The following CCDC171 variants were observed in gnomAD, a reference collection of about 807,000 sequenced individuals.
CCDC171 encodes the protein coiled-coil domain containing 171.
A neutral mutation model predicts 168.2 loss-of-function variants in CCDC171; 177 were observed. That is an observed-to-expected ratio of 1.05 (90% confidence interval 0.93 to 1.19). The LOEUF (loss-of-function observed/expected upper bound fraction) is 1.19, where lower values mean the gene tolerates loss of function less well. Among genes scored for constraint, CCDC171 ranks in the 50% most tolerant of loss-of-function variants. The pLI is 0.00. For synonymous variants in CCDC171, 687 were observed against 540.8 expected, an observed-to-expected ratio of 1.27 and a Z score of -3.75; for missense variants, 1,991 against 1,539.0, an observed-to-expected ratio of 1.29 and a Z score of -4.91.
the CCDC171 span, among the ~76,000 whole-genome samples, chr9:16,086,496 T>A: frequency 3.2e-3 from 488 of 152,020 alleles, no homozygotes; most frequent in African/African-American, 0.011. Flanking sequence ...TTAGTAGAGA[T>A]GGGGTTTCAT....
intron 6 of CCDC171, among the ~76,000 whole-genome samples, chr9:15,596,177 T>A (rs2042339406): frequency 6.6e-6 from 1 of 152,224 alleles, no homozygotes; most frequent in Admixed American, 6.5e-5. Context: ...TTTTGGCTTT[T>A]GTTGCCATTG....
Position 15,972,154 on chromosome 9 carries a change from A to G in CCDC171, c.*318A>G. 1 of 292,544 alleles carries G rather than the reference A, an allele frequency of 3.4e-6. No individual in the cohort carries two copies. The highest frequency in any genetic ancestry group is 5.2e-5 in the South Asian group (1 of 19,400). The allele number at this position is 292,544 out of a possible 1,614,324, so 18.1% of individuals were successfully genotyped here. ...TAAGCCATTTTAGTCTCTATCTATC[A>G]AAGTTGTTTCATACTTGTCTATTTT... is the stretch of plus-strand genomic sequence containing the variant. On this transcript the variant is annotated 3_prime_UTR_variant, in exon 26 of 26. Transcript: ENST00000380701.
chr9:15,945,404 A>T (rs554164011), intron 25 of CCDC171, among the ~76,000 whole-genome samples: 1,931 of 150,366 alleles, frequency 0.013, 9 homozygotes, highest in Middle Eastern at 0.031. Context: ...CAGTAATGGG[A>T]TGGCTGGGTC....
At chr9:15,798,591 A>G (rs1362604216) in intron 21 of CCDC171, among the ~76,000 whole-genome samples, 1 of 152,142 alleles carries the variant, frequency 6.6e-6, no homozygotes, top group East Asian at 1.9e-4. Context: ...GGTTTAGCCT[A>G]TTAGATCAGG....
chr9:15,799,489 A>G (rs2058717222), intron 21 of CCDC171, among the ~76,000 whole-genome samples: 1 of 151,688 alleles, frequency 6.6e-6, no homozygotes, highest in African/African-American at 2.4e-5. Context: ...TGTTTGTGGA[A>G]ACTTAATAGG....
rs1386680969 is a variant in CCDC171 at position 15,633,848 on chromosome 9, A to C, written c.822+10435A>C. Among the ~76,000 whole-genome samples the C allele has an allele frequency of 2.4e-4, 36 of 152,254 alleles. 1 individual carries two copies. Among genetic ancestry groups the C allele is most frequent in the Admixed American group, 2.4e-3 (36 of 15,278 alleles). On this transcript the variant is annotated intron_variant, in intron 7 of 25. Coordinates refer to ENST00000380701, the MANE Select transcript of CCDC171 (RefSeq NM_173550.4). ...ACCATGGAATAGTATGCAGCCATAAAAAATGATGAGTTCATGTCCTTTGTA... is the reference window on the plus strand; with the variant it reads ...ACCATGGAATAGTATGCAGCCATAACAAATGATGAGTTCATGTCCTTTGTA...
intron 23 of CCDC171, among the ~76,000 whole-genome samples, chr9:15,869,521 T>TTG (rs1434093585): frequency 3.4e-5 from 5 of 146,028 alleles, no homozygotes; most frequent in East Asian, 2.3e-4. Flanking sequence ...GTGTTTTTTT[T>TTG]TTGTTTGTTT....
chr9:15,874,508 T>C (rs934720837), intron 23 of CCDC171, 24 bp from the exon 24 acceptor site: 9 of 1,573,968 alleles, frequency 5.7e-6, no homozygotes, highest in Middle Eastern at 1.7e-4. Context: ...GGAATTACCA[T>C]TGATGCTGTT....
intron 21 of CCDC171, among the ~76,000 whole-genome samples, chr9:15,846,370 C>T (rs1354012314): frequency 6.6e-6 from 1 of 151,918 alleles, no homozygotes; most frequent in Non-Finnish European, 1.5e-5. Flanking sequence ...TGCTTTCTCC[C>T]CTGAAATCTT....
chr9:16,043,902 T>C (rs1833613371), intron 1 of CCDC171, among the ~76,000 whole-genome samples: 1 of 152,188 alleles, frequency 6.6e-6, no homozygotes, highest in African/African-American at 2.4e-5. Flanking sequence ...TCCATTTGAG[T>C]TGCAGTTACC....
In CCDC171 at chr9:15,727,908, G is replaced by A. The variant is rs754468291; in HGVS notation, c.1732G>A (p.Val578Ile). Residue 578 changes from valine (V) to isoleucine (I), a missense_variant, in exon 15 of 26, where the codon GTA becomes ATA. Transcript: ENST00000380701. The stretch of plus-strand genomic sequence containing the variant: ...CCTTCACACCTTATATCAGCACTTG[G>A]TAGCAGGCTGTGTGCTCATAAAACA... ...TFLHTLYQHL[V>I]AGCVLIKQPE... 1 of 1,612,678 alleles carries A rather than the reference G, an allele frequency of 6.2e-7. No homozygotes were observed. Among genetic ancestry groups the A allele is most frequent in the East Asian group, 2.2e-5 (1 of 44,834 alleles).
chr9:15,611,628 C>T (rs1187377180), intron 6 of CCDC171, among the ~76,000 whole-genome samples: 1 of 152,138 alleles, frequency 6.6e-6, no homozygotes, highest in African/African-American at 2.4e-5. Context: ...CTTACCCCAA[C>T]CCCCAGTTGT....
At chr9:15,738,801 G>C (rs547331490) in intron 16 of CCDC171, among the ~76,000 whole-genome samples, 2 of 152,018 alleles carry the variant, frequency 1.3e-5, no homozygotes, top group East Asian at 3.9e-4. Context: ...AATTACATTT[G>C]GAAATTTTGT....
At chr9:15,683,489 T>G (rs1048586335) in intron 10 of CCDC171, among the ~76,000 whole-genome samples, 5 of 152,072 alleles carry the variant, frequency 3.3e-5, no homozygotes, top group African/African-American at 1.2e-4. Flanking sequence ...TTGATTCTTG[T>G]TTTTCACCAA....
At chr9:15,806,599 G>C (rs1231377028) in intron 21 of CCDC171, among the ~76,000 whole-genome samples, 1 of 152,052 alleles carries the variant, frequency 6.6e-6, no homozygotes, top group Non-Finnish European at 1.5e-5. Context: ...CTGTTGAGGA[G>C]TTCACACTGT....
Position 15,612,126 on chromosome 9 carries a change from T to G in CCDC171, c.676-11141T>G, listed in dbSNP as rs555555964. 1.1e-4 allele frequency among the ~76,000 whole-genome samples: 16 copies of G among 152,354 alleles called. 1 individual carries two copies. The South Asian group carries it at 2.9e-3, about 28-fold the overall frequency. On this transcript the variant is annotated intron_variant, in intron 6 of 25. Transcript: ENST00000380701. ...TTGTATTTCCCATCTTCCAGAACTG[T>G]GAGAAATACATTTCTGTTTTTTATA...
chr9:15,675,866 C>T (rs1031028599), intron 9 of CCDC171, among the ~76,000 whole-genome samples: 2 of 152,070 alleles, frequency 1.3e-5, no homozygotes, highest in African/African-American at 2.4e-5. Flanking sequence ...TTGTTCTTTT[C>T]GAGGAGTATC....
intron 23 of CCDC171, among the ~76,000 whole-genome samples, chr9:15,869,520 T>G (rs199739864): frequency 3.2e-4 from 49 of 151,274 alleles, no homozygotes; most frequent in Non-Finnish European, 2.5e-4. Flanking sequence ...AGTGTTTTTT[T>G]TTTGTTTGTT....
intron 11 of CCDC171, among the ~76,000 whole-genome samples, chr9:15,712,903 G>A (rs1373257242): frequency 6.6e-6 from 1 of 152,116 alleles, no homozygotes; most frequent in East Asian, 1.9e-4. Flanking sequence ...AGATGGCTAG[G>A]AAAAAACATT....
Sources: allele counts gnomAD v4.1 joint callset (sites outside exome capture counted in the v4.1 genomes callset), GRCh38; gene constraint gnomAD v4.1.1; transcripts MANE v1.5; gene names NCBI Gene and HGNC (gene_info 2026-07-23, HGNC 2026-07-21).